Variants in SLFN12 observed in about 807,000 individuals in gnomAD.
SLFN12 encodes the protein ribonuclease SLFN12.
In SLFN12, 25 loss-of-function variants were observed where a neutral mutation model predicts 29.1. The ratio of observed to expected loss-of-function variants is 0.86; its 90% CI spans 0.63 to 1.20. The LOEUF (loss-of-function observed/expected upper bound fraction) is 1.20, where lower values mean the gene tolerates loss of function less well. SLFN12 is among the 50% of genes most tolerant of loss of function. The pLI, the probability that SLFN12 is intolerant of heterozygous loss-of-function variation, is 0.00. For synonymous variants in SLFN12, 257 were observed against 238.7 expected, an observed-to-expected ratio of 1.08 and a Z score of -0.71; for missense variants, 660 against 666.2, an observed-to-expected ratio of 0.99 and a Z score of 0.10.
chr17:35,424,613 G>T (rs1189071351), intron 1 of SLFN12, among the ~76,000 whole-genome samples: 1 of 152,086 alleles, frequency 6.6e-6, no homozygotes, highest in Non-Finnish European at 1.5e-5. Context: ...GAATGTAAAG[G>T]GGGTCAGAAT....
At position 35,428,319 on chromosome 17, in the gene SLFN12, G is replaced by C. The variant is rs139927935; in HGVS notation, c.-41+3869C>G. On this transcript the variant is annotated intron_variant, in intron 1 of 3. Coordinates refer to ENST00000304905, the MANE Select transcript of SLFN12 (RefSeq NM_018042.5). ...AGCACTTTGCCTTGAACCTTTTGGG[G>C]GGAAGAGGATATGGTATAAAAGCTA... Among the ~76,000 whole-genome samples, 479 of 152,188 alleles carry C rather than the reference G, an allele frequency of 3.1e-3. 1 individual carries two copies. Among genetic ancestry groups the C allele is most frequent in the African/African-American group, 0.011 (457 of 41,540 alleles).
At chr17:35,417,130 C>T (rs1911362174) in intron 3 of SLFN12, among the ~76,000 whole-genome samples, 1 of 152,168 alleles carries the variant, frequency 6.6e-6, no homozygotes, top group African/African-American at 2.4e-5. Flanking sequence ...GACCTTGTCA[C>T]TCATGGATTT....
intron 3 of SLFN12, among the ~76,000 whole-genome samples, chr17:35,419,110 C>T (rs564185744): frequency 9.7e-4 from 147 of 152,174 alleles, no homozygotes; most frequent in Non-Finnish European, 1.9e-3. Flanking sequence ...ATCCGCCCAC[C>T]TCTGGATTGT....
chr17:35,419,825 G>T (rs1911522173), intron 3 of SLFN12, among the ~76,000 whole-genome samples: 1 of 152,112 alleles, frequency 6.6e-6, no homozygotes, highest in African/African-American at 2.4e-5. Context: ...GACTAAGAAT[G>T]TTCAAGGTAA....
chr17:35,424,646 A>C lies in SLFN12; in HGVS notation c.-40-1578T>G, dbSNP rs1451120330. On this transcript the variant is annotated intron_variant, in intron 1 of 3. Coordinates refer to ENST00000304905, the MANE Select transcript of SLFN12 (RefSeq NM_018042.5). ...AATATTCCTGTCCACAGCTGGACCA[A>C]TATCATGCAGATACTCAGCTAAGGT... Among the ~76,000 whole-genome samples the C allele has an allele frequency of 2.6e-5, 4 of 152,182 alleles. 1 individual carries two copies.
At position 35,422,921 on chromosome 17, in the gene SLFN12, C is replaced by T; in HGVS notation, c.108G>A (p.Leu36=). The change falls in exon 2 of 4, where the codon CTG becomes CTA. Residue 36 remains leucine, a synonymous_variant. Coordinates refer to ENST00000304905, the MANE Select transcript of SLFN12 (RefSeq NM_018042.5). ...NSRKKMKDCK[L]RKKQNESVSR... ...AGACACTTTCATTCTGCTTTTTTCT[C>T]AGTTTACAATCCTTCATTTTTTTCC... 6.2e-7 allele frequency: 1 copy of T among 1,613,958 alleles called. No individual in the cohort carries two copies. Among genetic ancestry groups the T allele is most frequent in the Non-Finnish European group, 8.5e-7 (1 of 1,180,000 alleles).
intron 3 of SLFN12, among the ~76,000 whole-genome samples, chr17:35,418,249 T>C (rs1911431014): frequency 2.0e-5 from 3 of 152,070 alleles, no homozygotes; most frequent in Admixed American, 2.0e-4. Context: ...GGAAACATAA[T>C]AGAGATTCTA....
intron 1 of SLFN12, chr17:35,430,395 T>A (rs923702201): frequency 2.6e-5 from 4 of 152,042 alleles, no homozygotes; most frequent in African/African-American, 9.7e-5. Flanking sequence ...TTTTTAAAAT[T>A]CCCCCTTTTT....
chr17:35,418,052 T>A (rs1183636170), intron 3 of SLFN12, among the ~76,000 whole-genome samples: 4 of 152,146 alleles, frequency 2.6e-5, no homozygotes, highest in Non-Finnish European at 5.9e-5. Flanking sequence ...TATCTAGAGA[T>A]GCACTGTAAC....
intron 1 of SLFN12, among the ~76,000 whole-genome samples, chr17:35,425,312 A>G (rs908296432): frequency 1.3e-5 from 2 of 152,088 alleles, no homozygotes; most frequent in Admixed American, 6.5e-5. Context: ...AAATAAATAC[A>G]TAATAAAGAA....
At chr17:35,419,491 T>C (rs936078539) in intron 3 of SLFN12, among the ~76,000 whole-genome samples, 1 of 151,738 alleles carries the variant, frequency 6.6e-6, no homozygotes. Context: ...GAAGATGAAA[T>C]ATATATGGCC....
chr17:35,423,116 A>T, intron 1 of SLFN12, 48 bp from the exon 2 acceptor site: 7 of 1,506,622 alleles, frequency 4.6e-6, no homozygotes, highest in Non-Finnish European at 6.2e-6. Flanking sequence ...CTAGAAAGAT[A>T]GCAAATTCTG....
chr17:35,416,129 A>T (rs1911295272), intron 3 of SLFN12, among the ~76,000 whole-genome samples: 2 of 152,192 alleles, frequency 1.3e-5, no homozygotes, highest in Non-Finnish European at 2.9e-5. Flanking sequence ...CATCAAGTGG[A>T]TAAAGAAAAT....
chr17:35,421,255 A>G (rs8066142), intron 2 of SLFN12, among the ~76,000 whole-genome samples: 3,145 of 146,916 alleles, frequency 0.021, 121 homozygotes, highest in African/African-American at 0.073. Context: ...TAAATAAATA[A>G]ATAGAAAGGG....
intron 3 of SLFN12, among the ~76,000 whole-genome samples, chr17:35,418,421 G>A (rs978453517): frequency 1.4e-4 from 21 of 152,008 alleles, no homozygotes; most frequent in Non-Finnish European, 2.6e-4. Context: ...CAATGAGTAC[G>A]AAGACCTCTA....
At chr17:35,418,776 G>C (rs1165852264) in intron 3 of SLFN12, among the ~76,000 whole-genome samples, 4 of 152,036 alleles carry the variant, frequency 2.6e-5, no homozygotes, top group Non-Finnish European at 5.9e-5. Flanking sequence ...TATTGCGGCT[G>C]GGAAAGTTGT....
chr17:35,423,539 A>G (rs545706816), intron 1 of SLFN12, among the ~76,000 whole-genome samples: 18 of 152,268 alleles, frequency 1.2e-4, no homozygotes, highest in African/African-American at 4.3e-4. Context: ...GTCTAATGAC[A>G]TCCAACATGT....
intron 3 of SLFN12, among the ~76,000 whole-genome samples, chr17:35,416,778 G>T (rs2142034513): frequency 6.6e-6 from 1 of 152,094 alleles, no homozygotes; most frequent in South Asian, 2.1e-4. Context: ...AATATGTCAG[G>T]CACAGTGGCT....
Position 35,413,130 on chromosome 17 carries a change from C to A in SLFN12, c.1148-1203G>T, listed in dbSNP as rs571691913. On this transcript the variant is annotated intron_variant, in intron 3 of 3. Coordinates refer to ENST00000304905, the MANE Select transcript of SLFN12 (RefSeq NM_018042.5). Reference sequence around the variant, plus strand: ...TATCCGAAACTGTCAAAAGGTCTAGCAAATTTATAAGTCCCACAAAGAGAA... The same window carrying A: ...TATCCGAAACTGTCAAAAGGTCTAGAAAATTTATAAGTCCCACAAAGAGAA... 3.3e-5 allele frequency among the ~76,000 whole-genome samples: 5 copies of A among 150,146 alleles called. No individual in the cohort carries two copies. In the South Asian group the frequency reaches 6.3e-4, roughly 19 times the overall value.
Sources: gnomAD v4.1 joint callset for allele counts (sites outside exome capture counted in the v4.1 genomes callset) on GRCh38, gnomAD v4.1.1 for gene constraint, MANE v1.5 for transcripts, NCBI Gene and HGNC (gene_info 2026-07-23, HGNC 2026-07-21) for gene names.